The following FHIT variants were observed in gnomAD, a reference collection of about 807,000 sequenced individuals.
FHIT encodes the protein fragile histidine triad diadenosine triphosphatase.
A neutral mutation model predicts 17.9 loss-of-function variants in FHIT; 19 were observed. The observed-to-expected ratio is 1.06, with a 90% CI of 0.74 to 1.56. The LOEUF is 1.56. Among genes scored for constraint, FHIT ranks in the 40% most tolerant of loss-of-function variants. The pLI is 0.00. For missense variants in FHIT, 248 were observed against 189.2 expected (o/e 1.31, Z -1.82); for synonymous variants, 81 against 69.7 (o/e 1.16, Z -0.81).
At chr3:60,008,027 T>C (rs1040397900) in intron 7 of FHIT, among the ~76,000 whole-genome samples, 1 of 152,174 alleles carries the variant, frequency 6.6e-6, no homozygotes, top group Non-Finnish European at 1.5e-5. Context: ...TCCTGAGACC[T>C]ATCATAAACA....
intron 5 of FHIT, among the ~76,000 whole-genome samples, chr3:60,232,761 G>C (rs989122366): frequency 6.6e-6 from 1 of 152,130 alleles, no homozygotes; most frequent in Non-Finnish European, 1.5e-5. Flanking sequence ...AAGGAGACCT[G>C]AGTGATCTCC....
At chr3:61,107,979 G>T (rs756816980) in intron 2 of FHIT, among the ~76,000 whole-genome samples, 1 of 152,152 alleles carries the variant, frequency 6.6e-6, no homozygotes, top group Non-Finnish European at 1.5e-5. Flanking sequence ...TATAGTTCAC[G>T]ATGTACGGAA....
At chr3:60,103,025 G>A (rs555581496) in intron 5 of FHIT, among the ~76,000 whole-genome samples, 6 of 152,242 alleles carry the variant, frequency 3.9e-5, no homozygotes, top group Non-Finnish European at 7.3e-5. Flanking sequence ...TACCCCTGTA[G>A]TATAGAAATT....
intron 8 of FHIT, among the ~76,000 whole-genome samples, chr3:59,802,445 G>A (rs1388388341): frequency 6.6e-6 from 1 of 152,172 alleles, no homozygotes; most frequent in Non-Finnish European, 1.5e-5. Flanking sequence ...CACAAAAGAA[G>A]TGAAAATGGC....
chr3:60,165,051 C>T (rs1701109724), intron 5 of FHIT, among the ~76,000 whole-genome samples: 1 of 152,136 alleles, frequency 6.6e-6, no homozygotes, highest in Non-Finnish European at 1.5e-5. Context: ...GAAACCCAGA[C>T]ATTTTCACAA....
chr3:60,127,147 C>A (rs138152952), intron 5 of FHIT, among the ~76,000 whole-genome samples: 1 of 152,094 alleles, frequency 6.6e-6, no homozygotes, highest in Non-Finnish European at 1.5e-5. Context: ...TTACAAGTGG[C>A]CATCCTCTCT....
chr3:59,887,748 T>A (rs1703688103), intron 8 of FHIT, among the ~76,000 whole-genome samples: 1 of 152,120 alleles, frequency 6.6e-6, no homozygotes. Flanking sequence ...TTCAGGTGAC[T>A]GCCCAAGAAT....
chr3:60,347,432 A>T (rs1195613933), intron 5 of FHIT, among the ~76,000 whole-genome samples: 1 of 152,150 alleles, frequency 6.6e-6, no homozygotes, highest in Non-Finnish European at 1.5e-5. Context: ...ATGTTTACAA[A>T]TACATTACAG....
intron 1 of FHIT, among the ~76,000 whole-genome samples, chr3:61,210,648 G>C (rs1033260742): frequency 6.6e-6 from 1 of 151,772 alleles, no homozygotes; most frequent in African/African-American, 2.4e-5. Context: ...TGTTAATCCT[G>C]CTGGAAAAGT....
At chr3:60,943,995 T>C (rs1553775161) in intron 3 of FHIT, among the ~76,000 whole-genome samples, 1 of 152,180 alleles carries the variant, frequency 6.6e-6, no homozygotes. Flanking sequence ...GCTCTCATTC[T>C]GTCTCTTCTA....
chr3:60,041,433 C>T (rs1161479695), intron 5 of FHIT, among the ~76,000 whole-genome samples: 4 of 152,068 alleles, frequency 2.6e-5, no homozygotes, highest in African/African-American at 9.7e-5. Context: ...ATAGCAATGC[C>T]CTGAATAATA....
intron 8 of FHIT, among the ~76,000 whole-genome samples, chr3:59,899,984 G>A (rs538075987): frequency 2.0e-5 from 3 of 152,320 alleles, no homozygotes; most frequent in East Asian, 1.9e-4. Flanking sequence ...AAATGAGTAT[G>A]GCCATGTTCC....
chr3:60,973,118 G>A (rs951435901), intron 3 of FHIT, among the ~76,000 whole-genome samples: 3 of 152,182 alleles, frequency 2.0e-5, no homozygotes, highest in East Asian at 1.9e-4. Context: ...TCTAGTGAAT[G>A]ACAGATACAC....
intron 3 of FHIT, among the ~76,000 whole-genome samples, chr3:60,997,629 C>T (rs567092604): frequency 7.9e-5 from 12 of 152,204 alleles, no homozygotes; most frequent in African/African-American, 2.4e-4. Context: ...GCTTTGTCCT[C>T]GTATTACAGT....
At chr3:61,187,386 C>A (rs940278877) in intron 2 of FHIT, among the ~76,000 whole-genome samples, 2 of 152,080 alleles carry the variant, frequency 1.3e-5, no homozygotes, top group African/African-American at 4.8e-5. Context: ...GCTAACTATC[C>A]TAAATATATA....
At chr3:60,533,044 G>C (rs948050628) in intron 5 of FHIT, among the ~76,000 whole-genome samples, 1 of 152,010 alleles carries the variant, frequency 6.6e-6, no homozygotes, top group African/African-American at 2.4e-5. Context: ...AACACAGATT[G>C]GTCCATTCAC....
intron 5 of FHIT, among the ~76,000 whole-genome samples, chr3:60,097,401 G>A (rs1000482548): frequency 6.6e-6 from 1 of 152,128 alleles, no homozygotes; most frequent in Non-Finnish European, 1.5e-5. Flanking sequence ...GGTATACTGT[G>A]TTCATTTGGG....
At chr3:60,264,649 A>C (rs1325530248) in intron 5 of FHIT, among the ~76,000 whole-genome samples, 1 of 151,968 alleles carries the variant, frequency 6.6e-6, no homozygotes, top group Non-Finnish European at 1.5e-5. Flanking sequence ...AGTCCTTCGA[A>C]AGCCTCTGCT....
intron 5 of FHIT, among the ~76,000 whole-genome samples, chr3:60,156,070 A>G (rs1249142675): frequency 6.6e-6 from 1 of 152,212 alleles, no homozygotes; most frequent in African/African-American, 2.4e-5. Context: ...AAGATCATTT[A>G]GGGCCGGGTG....
Sources: allele counts gnomAD v4.1 joint callset (sites outside exome capture counted in the v4.1 genomes callset), GRCh38; gene constraint gnomAD v4.1.1; transcripts MANE v1.5; gene names NCBI Gene and HGNC (gene_info 2026-07-23, HGNC 2026-07-21).